The following RPS6KC1 variants were observed in gnomAD, a reference collection of about 807,000 sequenced individuals.
RPS6KC1 encodes the protein ribosomal protein S6 kinase C1.
A neutral mutation model predicts 103.8 loss-of-function variants in RPS6KC1; 54 were observed. That is an observed-to-expected ratio of 0.52 (90% confidence interval 0.42 to 0.65). The LOEUF is 0.65. RPS6KC1 is among the 30% of genes least tolerant of loss of function. RPS6KC1 has a pLI of 0.00. For missense variants in RPS6KC1, 1,151 were observed against 1,253.8 expected, an observed-to-expected ratio of 0.92 and a Z score of 1.24; for synonymous variants, 439 against 438.7, an observed-to-expected ratio of 1.00 and a Z score of -0.01.
chr1:213,375,990 G>A, the RPS6KC1 span, among the ~76,000 whole-genome samples: 2 of 152,122 alleles, frequency 1.3e-5, no homozygotes, highest in Non-Finnish European at 2.9e-5. Flanking sequence ...GGGAAGGAGA[G>A]AATTGTCCTG....
chr1:213,608,722 T>A, the RPS6KC1 span, among the ~76,000 whole-genome samples: 1 of 152,240 alleles, frequency 6.6e-6, no homozygotes, highest in Non-Finnish European at 1.5e-5. Context: ...ATCTTTTTAA[T>A]ATGTGCATTT....
intron 8 of RPS6KC1, among the ~76,000 whole-genome samples, chr1:213,227,612 G>A (rs993931404): frequency 6.6e-6 from 1 of 152,132 alleles, no homozygotes; most frequent in Non-Finnish European, 1.5e-5. Flanking sequence ...TTGTAGGACT[G>A]AACTCTGTTT....
intron 1 of RPS6KC1, among the ~76,000 whole-genome samples, chr1:213,070,284 G>A (rs911242045): frequency 3.3e-5 from 5 of 152,180 alleles, no homozygotes; most frequent in African/African-American, 1.2e-4. Context: ...TAGGCTTGCT[G>A]GGAAGGGGAG....
At chr1:213,221,731 T>C (rs1161111878) in intron 8 of RPS6KC1, among the ~76,000 whole-genome samples, 4 of 152,244 alleles carry the variant, frequency 2.6e-5, no homozygotes, top group African/African-American at 9.6e-5. Flanking sequence ...CTGGTTCTTT[T>C]TCCTCTGTTT....
chr1:213,397,930 A>G, the RPS6KC1 span, among the ~76,000 whole-genome samples: 1 of 152,122 alleles, frequency 6.6e-6, no homozygotes, highest in Non-Finnish European at 1.5e-5. Context: ...GGCCGTGGAG[A>G]CAGAAGGGCC....
At chr1:213,679,458 T>C in the RPS6KC1 span, among the ~76,000 whole-genome samples, 1 of 152,200 alleles carries the variant, frequency 6.6e-6, no homozygotes, top group Non-Finnish European at 1.5e-5. Flanking sequence ...ACCCATTTTA[T>C]AGTTAGGAAA....
At chr1:213,197,779 A>G (rs988564650) in intron 8 of RPS6KC1, among the ~76,000 whole-genome samples, 16 of 152,234 alleles carry the variant, frequency 1.1e-4, no homozygotes, top group Middle Eastern at 3.4e-3. Context: ...ACTCCTGCTT[A>G]CTTTCGGCTT....
chr1:213,851,974 C>T, the RPS6KC1 span, among the ~76,000 whole-genome samples: 1 of 152,144 alleles, frequency 6.6e-6, no homozygotes, highest in Non-Finnish European at 1.5e-5. Context: ...CTGGTATAGC[C>T]TCTGTGCTCT....
At chr1:213,107,521 G>A (rs934934424) in intron 4 of RPS6KC1, among the ~76,000 whole-genome samples, 1 of 152,134 alleles carries the variant, frequency 6.6e-6, no homozygotes, top group African/African-American at 2.4e-5. Flanking sequence ...TCATTGTATA[G>A]ATAATACCAC....
At chr1:213,228,855 G>A (rs1294353791) in intron 8 of RPS6KC1, among the ~76,000 whole-genome samples, 3 of 152,160 alleles carry the variant, frequency 2.0e-5, no homozygotes, top group Non-Finnish European at 4.4e-5. Context: ...AGAGAATACA[G>A]GGTGGATAAG....
chr1:213,092,145 A>G (rs1020287583), intron 3 of RPS6KC1, among the ~76,000 whole-genome samples: 13 of 152,216 alleles, frequency 8.5e-5, no homozygotes, highest in African/African-American at 3.1e-4. Context: ...TTGTAGTAGT[A>G]TTATTAAAAT....
the RPS6KC1 span, among the ~76,000 whole-genome samples, chr1:213,687,924 T>C: frequency 2.8e-4 from 42 of 152,312 alleles, no homozygotes; most frequent in African/African-American, 1.0e-3. Flanking sequence ...AGGAACACAG[T>C]GGCCTCAGTT....
chr1:213,783,658 T>G, the RPS6KC1 span, among the ~76,000 whole-genome samples: 1 of 152,010 alleles, frequency 6.6e-6, no homozygotes, highest in Non-Finnish European at 1.5e-5. Flanking sequence ...GGATTTTTTT[T>G]TGTCACCAGC....
At chr1:213,464,725 T>A in the RPS6KC1 span, among the ~76,000 whole-genome samples, 5 of 152,116 alleles carry the variant, frequency 3.3e-5, no homozygotes, top group African/African-American at 1.2e-4. Flanking sequence ...GCCATTGATT[T>A]CGGTATGTCG....
At chr1:213,708,148 G>A in the RPS6KC1 span, among the ~76,000 whole-genome samples, 1 of 152,056 alleles carries the variant, frequency 6.6e-6, no homozygotes, top group African/African-American at 2.4e-5. Context: ...GCAATTTTCA[G>A]GATATTGATT....
the RPS6KC1 span, among the ~76,000 whole-genome samples, chr1:213,685,462 C>G: frequency 6.6e-6 from 1 of 152,068 alleles, no homozygotes; most frequent in African/African-American, 2.4e-5. Context: ...GAAAACCCCT[C>G]TCTACTAAAA....
the RPS6KC1 span, among the ~76,000 whole-genome samples, chr1:213,765,082 G>A: frequency 1.3e-5 from 2 of 152,190 alleles, no homozygotes; most frequent in African/African-American, 4.8e-5. Context: ...GCCACCGAGG[G>A]AAGTGGTCAT....
chr1:213,179,483 T>C (rs956231854), intron 8 of RPS6KC1, among the ~76,000 whole-genome samples: 11 of 151,794 alleles, frequency 7.2e-5, no homozygotes, highest in African/African-American at 2.4e-4. Context: ...TAAAGATAAG[T>C]TACTTTCTGT....
the RPS6KC1 span, among the ~76,000 whole-genome samples, chr1:213,736,500 G>T: frequency 1.3e-5 from 2 of 152,160 alleles, no homozygotes; most frequent in African/African-American, 2.4e-5. Flanking sequence ...TCTAGCTCTA[G>T]TCTACTAACA....
Sources: allele counts gnomAD v4.1 joint callset (sites outside exome capture counted in the v4.1 genomes callset), GRCh38; gene constraint gnomAD v4.1.1; transcripts MANE v1.5; gene names NCBI Gene and HGNC (gene_info 2026-07-23, HGNC 2026-07-21).